CADM2: variants seen among roughly 807,000 people sequenced by gnomAD.
CADM2 encodes the protein immunoglobulin superfamily member 4D.
Under a neutral mutation model 49.8 loss-of-function variants are expected in CADM2, and 12 were observed. The observed-to-expected ratio is 0.24, with a 90% CI of 0.15 to 0.39. The LOEUF (loss-of-function observed/expected upper bound fraction) is 0.39, where lower values mean the gene tolerates loss of function less well. CADM2 is among the 10% of genes least tolerant of loss of function. The pLI is 1.00. For synonymous variants in CADM2, 214 were observed against 175.4 expected (o/e 1.22, Z -1.74); for missense variants, 378 against 492.3 (o/e 0.77, Z 2.20).
intron 3 of CADM2, among the ~76,000 whole-genome samples, chr3:85,865,765 G>A (rs565251632): frequency 7.4e-4 from 113 of 152,192 alleles, no homozygotes; most frequent in Non-Finnish European, 1.0e-3. Flanking sequence ...ATAAATGCAC[G>A]ATACTACTTT....
chr3:85,350,729 C>T (rs1356333124), intron 1 of CADM2, among the ~76,000 whole-genome samples: 3 of 151,822 alleles, frequency 2.0e-5, no homozygotes, highest in African/African-American at 7.3e-5. Flanking sequence ...AGAAGGTACT[C>T]GTCATCTAGA....
At chr3:85,065,429 T>G (rs933652940) in intron 1 of CADM2, among the ~76,000 whole-genome samples, 45 of 152,218 alleles carry the variant, frequency 3.0e-4, no homozygotes, top group Non-Finnish European at 3.5e-4. Context: ...TTTTTAATCA[T>G]TTTTCTTTCT....
chr3:86,060,060 A>C (rs556120955), intron 8 of CADM2, among the ~76,000 whole-genome samples: 1 of 152,286 alleles, frequency 6.6e-6, no homozygotes, highest in Admixed American at 6.5e-5. Flanking sequence ...TTCACAGATT[A>C]TAAGAATGAA....
At chr3:85,965,333 T>C (rs1416671396) in intron 8 of CADM2, among the ~76,000 whole-genome samples, 1 of 149,458 alleles carries the variant, frequency 6.7e-6, no homozygotes. Flanking sequence ...TACAAATTAA[T>C]AAATTCATTT....
intron 1 of CADM2, among the ~76,000 whole-genome samples, chr3:85,227,909 G>A (rs1199173511): frequency 6.6e-6 from 1 of 152,112 alleles, no homozygotes; most frequent in Non-Finnish European, 1.5e-5. Flanking sequence ...TAGTTTGGCT[G>A]GATATGAAAT....
intron 3 of CADM2, among the ~76,000 whole-genome samples, chr3:85,818,686 C>A (rs1260740078): frequency 1.3e-5 from 2 of 151,924 alleles, no homozygotes; most frequent in African/African-American, 2.4e-5. Context: ...AATATAAATT[C>A]TTTAAAAGTT....
At chr3:86,063,679 G>C (rs1369221218) in intron 8 of CADM2, among the ~76,000 whole-genome samples, 1 of 152,116 alleles carries the variant, frequency 6.6e-6, no homozygotes, top group East Asian at 1.9e-4. Flanking sequence ...CTAGACATAT[G>C]ATCCTTTGAC....
At chr3:85,511,890 T>A in intron 1 of CADM2, 1 of 980,970 alleles carries the variant, frequency 1.0e-6, no homozygotes, top group Non-Finnish European at 1.2e-6. Flanking sequence ...GTAATCAGAC[T>A]GCATCAAGGT....
At chr3:85,353,540 T>C (rs1325120572) in intron 1 of CADM2, among the ~76,000 whole-genome samples, 1 of 151,734 alleles carries the variant, frequency 6.6e-6, no homozygotes, top group Non-Finnish European at 1.5e-5. Context: ...GTTGATGGTT[T>C]CTTTTTTTTT....
At chr3:85,053,445 A>C (rs1430460450) in intron 1 of CADM2, among the ~76,000 whole-genome samples, 2 of 152,000 alleles carry the variant, frequency 1.3e-5, no homozygotes, top group African/African-American at 4.8e-5. Flanking sequence ...AATTAATTGA[A>C]AGAACTGGGA....
intron 1 of CADM2, among the ~76,000 whole-genome samples, chr3:85,248,575 C>A (rs1354630918): frequency 1.3e-5 from 2 of 152,148 alleles, no homozygotes; most frequent in Non-Finnish European, 2.9e-5. Flanking sequence ...CACGCCCAGC[C>A]TACATACATA....
chr3:85,662,257 G>A (rs1379714095), intron 1 of CADM2, among the ~76,000 whole-genome samples: 1 of 141,732 alleles, frequency 7.1e-6, no homozygotes, highest in Admixed American at 7.2e-5. Context: ...TTGGTACTTA[G>A]ACATATCAAG....
At chr3:85,615,476 G>A (rs1168107854) in intron 1 of CADM2, among the ~76,000 whole-genome samples, 1 of 151,866 alleles carries the variant, frequency 6.6e-6, no homozygotes, top group Non-Finnish European at 1.5e-5. Flanking sequence ...TAATCTCAAT[G>A]AGGCAAAATG....
intron 1 of CADM2, among the ~76,000 whole-genome samples, chr3:85,314,468 TA>T (rs572891195): frequency 5.3e-5 from 8 of 151,074 alleles, no homozygotes; most frequent in East Asian, 1.9e-4. Flanking sequence ...ATAGTTACAT[TA>T]AAAAAAAACC....
intron 1 of CADM2, among the ~76,000 whole-genome samples, chr3:85,614,338 T>G (rs916734510): frequency 3.3e-5 from 5 of 151,844 alleles, no homozygotes; most frequent in East Asian, 1.9e-4. Context: ...TATTCTGATT[T>G]TTTATAGTTA....
intron 1 of CADM2, among the ~76,000 whole-genome samples, chr3:85,189,879 AT>A (rs1207497596): frequency 7.4e-6 from 1 of 135,280 alleles, no homozygotes; most frequent in Non-Finnish European, 1.5e-5. Flanking sequence ...GTCCGGAGAT[AT>A]TATCAGTATC....
chr3:85,299,382 C>A (rs1460035822), intron 1 of CADM2, among the ~76,000 whole-genome samples: 1 of 151,980 alleles, frequency 6.6e-6, no homozygotes, highest in Non-Finnish European at 1.5e-5. Context: ...TGGCATCATG[C>A]AGACATGTCA....
intron 1 of CADM2, chr3:85,511,987 C>G: frequency 1.6e-6 from 1 of 614,502 alleles, no homozygotes; most frequent in Non-Finnish European, 2.0e-6. Flanking sequence ...TGTTTTAAAG[C>G]CAATGTTCTT....
chr3:85,446,888 C>T (rs930144553), intron 1 of CADM2, among the ~76,000 whole-genome samples: 1 of 149,212 alleles, frequency 6.7e-6, no homozygotes, highest in African/African-American at 2.4e-5. Context: ...AGGCATGAGC[C>T]ACTGCACCTG....
Sources: allele counts gnomAD v4.1 joint callset (sites outside exome capture counted in the v4.1 genomes callset), GRCh38; gene constraint gnomAD v4.1.1; transcripts MANE v1.5; gene names NCBI Gene and HGNC (gene_info 2026-07-23, HGNC 2026-07-21).